Variants in ANKH observed in about 807,000 individuals in gnomAD.
ANKH encodes the protein ANKH inorganic pyrophosphate transport regulator.
In ANKH, 15 loss-of-function variants were observed where a neutral mutation model predicts 49.0. The ratio of observed to expected loss-of-function variants is 0.31; its 90% CI spans 0.20 to 0.47. The LOEUF (loss-of-function observed/expected upper bound fraction) is 0.47, where lower values mean the gene tolerates loss of function less well. Among genes scored for constraint, ANKH ranks in the 20% least tolerant of loss-of-function variants. The pLI is 1.00. For synonymous variants in ANKH, 273 were observed against 260.0 expected (o/e 1.05, Z -0.48); for missense variants, 429 against 652.0 (o/e 0.66, Z 3.72).
chr5:14,870,126 G>C (rs1169667733), intron 1 of ANKH: 3 of 152,176 alleles, frequency 2.0e-5, no homozygotes, highest in African/African-American at 7.2e-5. Flanking sequence ...TTTATCAAAG[G>C]ACATTGGCTG....
intron 8 of ANKH, among the ~76,000 whole-genome samples, chr5:14,731,857 T>C (rs1346498364): frequency 6.6e-6 from 1 of 152,200 alleles, no homozygotes; most frequent in Non-Finnish European, 1.5e-5. Flanking sequence ...CGTTTGATGA[T>C]TTCAGCAATG....
intron 3 of ANKH, among the ~76,000 whole-genome samples, chr5:14,757,381 G>T (rs2126492802): frequency 6.8e-6 from 1 of 146,348 alleles, no homozygotes; most frequent in Non-Finnish European, 1.5e-5. Context: ...CAAAGGAAAG[G>T]GTTTACTTTC....
At position 14,740,742 on chromosome 5, in the gene ANKH, C is replaced by T. The variant is rs556361949; in HGVS notation, c.1011+1085G>A. Among the ~76,000 whole-genome samples the T allele has an allele frequency of 2.6e-4, 39 of 152,296 alleles. 1 individual carries two copies. The South Asian group carries it at 5.6e-3, about 22-fold the overall frequency. On this transcript the variant is annotated intron_variant, in intron 8 of 11. Transcript: ENST00000284268. ...GTACGCAGGCCTTGAGTTTAATGGC[C>T]CACTAACAGAGCTCATCAAGCTCCA...
intron 1 of ANKH, among the ~76,000 whole-genome samples, chr5:14,815,182 C>T (rs1295547029): frequency 1.3e-5 from 2 of 152,186 alleles, no homozygotes; most frequent in African/African-American, 4.8e-5. Flanking sequence ...TATCCTCCAC[C>T]TAATAATACC....
intron 6 of ANKH, 51 bp from the exon 7 acceptor site, chr5:14,746,013 C>T: frequency 6.7e-7 from 1 of 1,483,418 alleles, no homozygotes; most frequent in African/African-American, 1.4e-5. Flanking sequence ...AGGAAGTCCT[C>T]CAGGAGCTAC....
intron 8 of ANKH, among the ~76,000 whole-genome samples, chr5:14,718,846 A>G (rs1451719894): frequency 6.7e-6 from 1 of 148,838 alleles, no homozygotes; most frequent in African/African-American, 2.4e-5. Flanking sequence ...CCCCAAAAAA[A>G]AAAGACATAG....
intron 7 of ANKH, among the ~76,000 whole-genome samples, chr5:14,742,718 C>T (rs1225305878): frequency 6.6e-6 from 1 of 152,224 alleles, no homozygotes; most frequent in Admixed American, 6.5e-5. Context: ...CCTTGAATCA[C>T]TCAGCACAAC....
intron 8 of ANKH, 102 bp from the exon 9 acceptor site, chr5:14,716,937 A>G (rs1303788017): frequency 6.8e-7 from 1 of 1,476,964 alleles, no homozygotes; most frequent in Non-Finnish European, 9.3e-7. Context: ...CGAAAGAGGG[A>G]CAACCGGCCT....
Position 14,769,176 on chromosome 5 carries a change from T to C in ANKH, c.112A>G (p.Ile38Val), listed in dbSNP as rs751149481. ...ACTGCATCCTCCTTGACAGCAGCAA[T>C]GCCCCGGTTCAAGGCCTGGGAAGGG... ...DFGEQALNRG[I>V]AAVKEDAVEM... is the part of the protein sequence containing the mutation. The change falls in exon 2 of 12, where the codon ATT becomes GTT. Residue 38 changes from isoleucine (I) to valine (V), a missense_variant. Ile to Val is a conservative substitution (Grantham distance 29). This residue lies in a region of ANKH where 378 missense variants were observed against 615.3 expected (regional missense o/e 0.61). Coordinates refer to ENST00000284268, the MANE Select transcript of ANKH (RefSeq NM_054027.6). 6.2e-7 allele frequency: 1 copy of C among 1,613,760 alleles called. No individual in the cohort carries two copies. Among genetic ancestry groups the C allele is most frequent in the Non-Finnish European group, 8.5e-7 (1 of 1,179,890 alleles).
intron 1 of ANKH, among the ~76,000 whole-genome samples, chr5:14,811,944 T>G (rs1740894867): frequency 6.6e-6 from 1 of 152,152 alleles, no homozygotes. Flanking sequence ...CCACTGTGGC[T>G]CATTAGAAGC....
chr5:14,867,600 C>T (rs1735685035), intron 1 of ANKH, among the ~76,000 whole-genome samples: 1 of 151,846 alleles, frequency 6.6e-6, no homozygotes. Flanking sequence ...TCGCCCAGGC[C>T]GGACTGCGGA....
At chr5:14,743,357 G>A (rs910788406) in intron 7 of ANKH, among the ~76,000 whole-genome samples, 6 of 152,150 alleles carry the variant, frequency 3.9e-5, no homozygotes, top group Admixed American at 1.3e-4. Flanking sequence ...GGACAGCAAC[G>A]TACCACAGCT....
At chr5:14,846,654 A>G (rs1741968352) in intron 1 of ANKH, among the ~76,000 whole-genome samples, 1 of 152,192 alleles carries the variant, frequency 6.6e-6, no homozygotes, top group Non-Finnish European at 1.5e-5. Context: ...TTAATTTAGT[A>G]GAGTGCACAT....
At chr5:14,778,497 A>G (rs1364001490) in intron 1 of ANKH, among the ~76,000 whole-genome samples, 2 of 150,996 alleles carry the variant, frequency 1.3e-5, no homozygotes, top group African/African-American at 4.9e-5. Context: ...TCAAGTGCAC[A>G]CTCTTGTGGC....
At chr5:14,850,700 G>A (rs139795122) in intron 1 of ANKH, among the ~76,000 whole-genome samples, 34 of 152,316 alleles carry the variant, frequency 2.2e-4, no homozygotes, top group Non-Finnish European at 4.4e-4. Flanking sequence ...GGAGAGGAAA[G>A]GAACCCTTTA....
chr5:14,710,526 C>G lies in ANKH; in HGVS notation c.*671G>C, dbSNP rs1025423151. On this transcript the variant is annotated 3_prime_UTR_variant, in exon 12 of 12. Coordinates refer to ENST00000284268, the MANE Select transcript of ANKH (RefSeq NM_054027.6). The stretch of plus-strand genomic sequence containing the variant: ...CATTCAACCATGTCAGTTTGCTGCC[C>G]CCGGGGCATTTCAAACCAAACCTTT... 1.9e-5 allele frequency: 3 copies of G among 154,834 alleles called. No individual in the cohort carries two copies. The highest frequency in any genetic ancestry group is 4.8e-5 in the African/African-American group (2 of 41,440). 9.6% of individuals were successfully genotyped at this position (154,834 alleles called of 1,614,324 possible). A position where few individuals can be genotyped will look rare whatever the true frequency, so the allele number is the denominator to read the frequency against.
At chr5:14,845,666 G>A (rs941202803) in intron 1 of ANKH, among the ~76,000 whole-genome samples, 1 of 151,866 alleles carries the variant, frequency 6.6e-6, no homozygotes, top group Non-Finnish European at 1.5e-5. Context: ...GGTGCTAGGC[G>A]GTGCCTAATT....
At position 14,797,447 on chromosome 5, in the gene ANKH, A is replaced by C. The variant is rs1367617576; in HGVS notation, c.97-28256T>G. 6.2e-6 allele frequency: 10 copies of C among 1,611,140 alleles called. No individual in the cohort carries two copies. The African/African-American group carries it at 9.4e-5, about 15-fold the overall frequency. On this transcript the variant is annotated intron_variant, in intron 1 of 11. Transcript: ENST00000284268. ...GTGACCACTGAACCTGGAATATTTC[A>C]TCCTTATGTGACTCAAAGGAATGCA...
At chr5:14,717,501 A>G (rs1737514840) in intron 8 of ANKH, among the ~76,000 whole-genome samples, 1 of 152,248 alleles carries the variant, frequency 6.6e-6, no homozygotes, top group Non-Finnish European at 1.5e-5. Context: ...CCCACAGATC[A>G]GAAAGTGCGG....
Sources: gnomAD v4.1 joint callset for allele counts (sites outside exome capture counted in the v4.1 genomes callset) on GRCh38, gnomAD v4.1.1 for gene constraint, gnomAD v4.1.1 regional missense constraint, MANE v1.5 for transcripts, NCBI Gene and HGNC (gene_info 2026-07-23, HGNC 2026-07-21) for gene names.